ANK3: variants seen among roughly 807,000 people sequenced by gnomAD.
The protein encoded by ANK3 is ankyrin 3, also known as ankyrin-3.
A neutral mutation model predicts 370.9 loss-of-function variants in ANK3; 57 were observed. The observed-to-expected ratio is 0.15, with a 90% CI of 0.12 to 0.19. ANK3 has a LOEUF of 0.19. Among genes scored for constraint, ANK3 ranks in the 10% least tolerant of loss-of-function variants. The pLI is 1.00. For synonymous variants in ANK3, 1,929 were observed against 1,946.3 expected (o/e 0.99, Z 0.23); for missense variants, 4,439 against 5,302.1 (o/e 0.84, Z 5.06).
rs141781472 is a variant in ANK3, at chr10:60,325,868, T to A, written c.115-46229A>T. ...AGCACCAGTCACAATAACAAAGACA[T>A]GGAATCAACCTAAATGCCCATCAAT... On this transcript the variant is annotated intron_variant, in intron 1 of 43. Transcript: ENST00000280772. Among the ~76,000 whole-genome samples, 763 of 152,214 alleles carry A rather than the reference T, an allele frequency of 5.0e-3. 6 individuals carry two copies. The highest frequency in any genetic ancestry group is 0.018 in the African/African-American group (736 of 41,502).
At chr10:60,721,724 C>T (rs1264536447) in intron 1 of ANK3, among the ~76,000 whole-genome samples, 1 of 152,092 alleles carries the variant, frequency 6.6e-6, no homozygotes, top group South Asian at 2.1e-4. Context: ...TTCAAGAATC[C>T]ACATAAATGC....
intron 5 of ANK3, among the ~76,000 whole-genome samples, chr10:60,269,658 CA>C (rs199563738): frequency 8.2e-4 from 102 of 124,978 alleles, no homozygotes; most frequent in African/African-American, 2.8e-3. Flanking sequence ...TCCCCCCCCC[CA>C]AAAAAAGTAC....
At position 60,058,388 on chromosome 10, in the gene ANK3, CCAGGAAATTATTTTGGGTAAAGACA is replaced by C. The variant is rs1488374284; in HGVS notation, c.12686+927_12686+951del. Among the ~76,000 whole-genome samples, 1,419 of 151,988 alleles carry C rather than the reference CCAGGAAATTATTTTGGGTAAAGACA, an allele frequency of 9.3e-3. 15 individuals are homozygous for C. Among genetic ancestry groups the C allele is most frequent in the African/African-American group, 0.033 (1,347 of 41,440 alleles). ...TTATTTTGGGTAAAGACAAATGTGA[CCAGGAAATTATTTTGGGTAAAGACA>C]AATGTTCATCATGGCAATATTATTT... On this transcript the variant is annotated intron_variant, in intron 41 of 43. Coordinates refer to ENST00000280772, the MANE Select transcript of ANK3 (RefSeq NM_020987.5).
At chr10:60,383,293 C>T (rs2061796000) in intron 1 of ANK3, among the ~76,000 whole-genome samples, 1 of 152,150 alleles carries the variant, frequency 6.6e-6, no homozygotes, top group Non-Finnish European at 1.5e-5. Context: ...AACACTATGG[C>T]TTTTACTTTG....
chr10:60,604,915 T>A (rs919923768), intron 2 of ANK3, among the ~76,000 whole-genome samples: 10 of 152,112 alleles, frequency 6.6e-5, no homozygotes, highest in African/African-American at 2.4e-4. Flanking sequence ...ATGGACCTTC[T>A]CTCCATAAGC....
At position 60,241,308 on chromosome 10, in the gene ANK3, T is replaced by G. The variant is rs189625261; in HGVS notation, c.799-6522A>C. Among the ~76,000 whole-genome samples, 1,108 of 152,316 alleles carry G rather than the reference T, an allele frequency of 7.3e-3. 5 individuals carry two copies. Among genetic ancestry groups the G allele is most frequent in the Non-Finnish European group, 0.012 (791 of 68,032 alleles). On this transcript the variant is annotated intron_variant, in intron 7 of 43. Coordinates refer to ENST00000280772, the MANE Select transcript of ANK3 (RefSeq NM_020987.5). ...CCTGGAGTTTTGAATTTGACCTGATTTAGTTCAAACAAAAAAGTAAATACG... is the reference window on the plus strand; with the variant it reads ...CCTGGAGTTTTGAATTTGACCTGATGTAGTTCAAACAAAAAAGTAAATACG...
intron 2 of ANK3, among the ~76,000 whole-genome samples, chr10:60,602,821 A>G (rs910338728): frequency 1.2e-4 from 18 of 152,158 alleles, no homozygotes; most frequent in African/African-American, 4.3e-4. Context: ...CTGGTGTTAG[A>G]CCCTCTCCTA....
At position 60,135,870 on chromosome 10, in the gene ANK3, C is replaced by G. The variant is rs146256247; in HGVS notation, c.2739-1497G>C. Among the ~76,000 whole-genome samples, 42 of 152,264 alleles carry G rather than the reference C, an allele frequency of 2.8e-4. 1 individual carries two copies. The East Asian group carries it at 6.6e-3, about 24-fold the overall frequency. On this transcript the variant is annotated intron_variant, in intron 24 of 43. Transcript: ENST00000280772. ...TACACAGATAGGTACGTACATTCTT[C>G]TAGGATTGGAGCCTTCACTTTTATC...
Position 60,105,988 on chromosome 10 carries a change from C to T in ANK3, c.3245G>A (p.Ser1082Asn), listed in dbSNP as rs1427603364. 3 of 1,612,800 alleles carry T rather than the reference C, an allele frequency of 1.9e-6. No individual in the cohort carries two copies. Among genetic ancestry groups the T allele is most frequent in the Middle Eastern group, 1.7e-4 (1 of 6,056 alleles). Residue 1082 changes from serine to asparagine, a missense_variant, in exon 28 of 44, where the codon AGT becomes AAT. Around this residue, in one of 13 missense-constraint regions of ANK3, gnomAD observed 702 missense variants for 941.5 expected, o/e 0.75. Coordinates refer to ENST00000280772, the MANE Select transcript of ANK3 (RefSeq NM_020987.5). ...GKERELIVLR[S>N]ENGETWKEHQ... ...CTCCTTCCAAGTTTCACCATTTTCA[C>T]TTCGAAGAACAATGAGTTCTCTCTC... is the stretch of plus-strand genomic sequence containing the variant.
chr10:60,220,155 C>T (rs1591941538), intron 8 of ANK3, among the ~76,000 whole-genome samples: 1 of 152,110 alleles, frequency 6.6e-6, no homozygotes, highest in East Asian at 1.9e-4. Flanking sequence ...CACTTTCCAC[C>T]ACCTACACAA....
At chr10:60,713,115 GAT>G (rs2079733102) in intron 1 of ANK3, among the ~76,000 whole-genome samples, 1 of 152,176 alleles carries the variant, frequency 6.6e-6, no homozygotes, top group Non-Finnish European at 1.5e-5. Flanking sequence ...GCACCTAGTT[GAT>G]ATTCATGGAG....
At chr10:60,033,360 C>T (rs2074133164) in intron 43 of ANK3, among the ~76,000 whole-genome samples, 2 of 151,606 alleles carry the variant, frequency 1.3e-5, no homozygotes. Context: ...ACTAAAAATA[C>T]AAAAATTGGC....
chr10:60,118,829 C>G (rs182231830), intron 25 of ANK3, among the ~76,000 whole-genome samples: 1 of 152,162 alleles, frequency 6.6e-6, no homozygotes. Context: ...TAGAAACATG[C>G]ACTGGTGCCA....
intron 8 of ANK3, among the ~76,000 whole-genome samples, chr10:60,218,331 T>C (rs1003859628): frequency 3.6e-5 from 5 of 138,068 alleles, no homozygotes; most frequent in African/African-American, 1.3e-4. Context: ...ATCATGCTGC[T>C]ATTTGGTTAT....
At chr10:60,692,337 G>T (rs995713868) in intron 1 of ANK3, among the ~76,000 whole-genome samples, 4 of 152,180 alleles carry the variant, frequency 2.6e-5, no homozygotes, top group Non-Finnish European at 5.9e-5. Flanking sequence ...CCAAGGTGTT[G>T]GCCTTTCTGT....
At chr10:60,461,823 T>C (rs2064891096) in intron 2 of ANK3, among the ~76,000 whole-genome samples, 1 of 152,194 alleles carries the variant, frequency 6.6e-6, no homozygotes, top group Admixed American at 6.5e-5. Flanking sequence ...AAGAGATTGA[T>C]ATGAAAATAG....
chr10:60,188,255 T>C (rs1306502583), intron 16 of ANK3, among the ~76,000 whole-genome samples: 1 of 152,168 alleles, frequency 6.6e-6, no homozygotes. Context: ...ATTCCCTTGA[T>C]AAACTGTTAG....
chr10:60,635,710 A>C (rs550707516), intron 1 of ANK3, among the ~76,000 whole-genome samples: 275 of 17,102 alleles, frequency 0.016, 1 homozygote, highest in African/African-American at 0.038. Flanking sequence ...GATATTACAA[A>C]AAAAAAAAAG....
chr10:60,467,138 T>C (rs1194336705), intron 2 of ANK3, among the ~76,000 whole-genome samples: 1 of 152,196 alleles, frequency 6.6e-6, no homozygotes, highest in Admixed American at 6.5e-5. Context: ...AGGAAATATA[T>C]GCAATTCATT....
Sources: allele counts gnomAD v4.1 joint callset (sites outside exome capture counted in the v4.1 genomes callset), GRCh38; gene constraint gnomAD v4.1.1; regional missense constraint gnomAD v4.1.1; transcripts MANE v1.5; gene names NCBI Gene and HGNC (gene_info 2026-07-23, HGNC 2026-07-21).